Variants in CSMD1 observed in about 807,000 individuals in gnomAD.
CSMD1 encodes the protein CUB and sushi domain-containing protein 1.
CSMD1 carries 213 observed loss-of-function variants against 417.5 expected under a neutral mutation model. That is an observed-to-expected ratio of 0.51 (90% CI 0.46 to 0.57). CSMD1 has a LOEUF of 0.57. CSMD1 is among the 20% of genes least tolerant of loss of function. The probability of loss-of-function intolerance (pLI) is 0.00; values close to 1 mark genes in which losing one functional copy is unlikely to be tolerated. For synonymous variants in CSMD1, 2,862 were observed against 1,736.8 expected (o/e 1.65, Z -16.11); for missense variants, 6,923 against 4,529.7 (o/e 1.53, Z -15.17).
intron 5 of CSMD1, among the ~76,000 whole-genome samples, chr8:3,883,148 C>G (rs1475382066): frequency 6.6e-6 from 1 of 152,124 alleles, no homozygotes; most frequent in East Asian, 1.9e-4. Flanking sequence ...ATCATACTTG[C>G]AAGCTCAGGC....
At chr8:3,779,747 A>ATT (rs1799078060) in intron 5 of CSMD1, among the ~76,000 whole-genome samples, 1 of 152,230 alleles carries the variant, frequency 6.6e-6, no homozygotes, top group Admixed American at 6.5e-5. Flanking sequence ...TATTTAAGTT[A>ATT]TTTGAAAGAG....
intron 5 of CSMD1, among the ~76,000 whole-genome samples, chr8:3,785,633 G>T (rs894165845): frequency 6.6e-6 from 1 of 152,172 alleles, no homozygotes; most frequent in Admixed American, 6.5e-5. Context: ...AGTTACCATC[G>T]AGTGTTTATT....
At chr8:3,781,339 T>C (rs1374332224) in intron 5 of CSMD1, among the ~76,000 whole-genome samples, 3 of 152,148 alleles carry the variant, frequency 2.0e-5, no homozygotes, top group Non-Finnish European at 4.4e-5. Flanking sequence ...TCTTTACTCA[T>C]TGAACACGGA....
chr8:3,640,791 C>T (rs781375984), intron 7 of CSMD1, among the ~76,000 whole-genome samples: 9 of 151,986 alleles, frequency 5.9e-5, no homozygotes, highest in South Asian at 2.1e-4. Context: ...GGGGAAGAGA[C>T]GGCCTCACAG....
intron 12 of CSMD1, among the ~76,000 whole-genome samples, chr8:3,426,765 G>C (rs573866163): frequency 1.1e-4 from 16 of 152,216 alleles, no homozygotes; most frequent in African/African-American, 3.6e-4. Context: ...ACTAATTGGT[G>C]CTAAGTTATA....
chr8:4,835,210 C>T (rs1246830344), intron 1 of CSMD1, among the ~76,000 whole-genome samples: 1 of 151,820 alleles, frequency 6.6e-6, no homozygotes, highest in Non-Finnish European at 1.5e-5. Flanking sequence ...TATTTATTAG[C>T]GTCAGAGAGG....
intron 40 of CSMD1, among the ~76,000 whole-genome samples, chr8:3,147,310 A>C (rs2129033913): frequency 6.6e-6 from 1 of 152,292 alleles, no homozygotes; most frequent in Non-Finnish European, 1.5e-5. Context: ...ACTTCCCAAA[A>C]TCTCATGATT....
chr8:3,763,391 A>C (rs529133506), intron 5 of CSMD1, among the ~76,000 whole-genome samples: 2 of 152,080 alleles, frequency 1.3e-5, no homozygotes, highest in Non-Finnish European at 2.9e-5. Flanking sequence ...TCCCCATGGT[A>C]ATGAGTAAGT....
At chr8:4,628,084 C>G (rs1378839497) in intron 2 of CSMD1, among the ~76,000 whole-genome samples, 1 of 150,290 alleles carries the variant, frequency 6.7e-6, no homozygotes, top group African/African-American at 2.4e-5. Context: ...CATATACATA[C>G]ACATATATTA....
intron 25 of CSMD1, among the ~76,000 whole-genome samples, chr8:3,296,268 C>T (rs559929418): frequency 2.1e-4 from 32 of 150,986 alleles, no homozygotes; most frequent in South Asian, 8.4e-4. Flanking sequence ...TCCTGTGAGA[C>T]GTAAGAATTC....
chr8:4,727,358 C>T (rs1436936415), intron 1 of CSMD1, among the ~76,000 whole-genome samples: 1 of 152,110 alleles, frequency 6.6e-6, no homozygotes. Context: ...AAAATGTTCA[C>T]AAAAACACTA....
chr8:3,691,296 G>A (rs1800227195), intron 7 of CSMD1, among the ~76,000 whole-genome samples: 1 of 152,078 alleles, frequency 6.6e-6, no homozygotes, highest in Non-Finnish European at 1.5e-5. Context: ...GACCCTGGGA[G>A]GCGGAGGTTG....
chr8:3,475,783 A>G (rs1167090194), intron 11 of CSMD1, among the ~76,000 whole-genome samples: 2 of 152,226 alleles, frequency 1.3e-5, no homozygotes, highest in African/African-American at 4.8e-5. Context: ...GAAGGAAATG[A>G]TATGTGATTA....
At chr8:3,409,851 A>T (rs537937854) in intron 12 of CSMD1, among the ~76,000 whole-genome samples, 1 of 152,388 alleles carries the variant, frequency 6.6e-6, no homozygotes, top group African/African-American at 2.4e-5. Flanking sequence ...GGCTACACAG[A>T]TACGCTGACA....
At chr8:3,438,499 G>T (rs1814721949) in intron 12 of CSMD1, among the ~76,000 whole-genome samples, 1 of 152,172 alleles carries the variant, frequency 6.6e-6, no homozygotes. Flanking sequence ...TTGTAGAAAT[G>T]CATGTGACCT....
rs59255397 is a variant in CSMD1 at position 4,354,865 on chromosome 8, AGTGTGTGT to A, written c.415+65080_415+65087del. On this transcript the variant is annotated intron_variant, in intron 3 of 69. Coordinates refer to ENST00000635120, the MANE Select transcript of CSMD1 (RefSeq NM_033225.6). ...GAGGGCAGGTAAATGAGGAAAATGT[AGTGTGTGT>A]GTGTGTGTGTGTGTGTGTGTGTGTG... Among the ~76,000 whole-genome samples, 600 of 129,486 alleles carry A rather than the reference AGTGTGTGT, an allele frequency of 4.6e-3. 3 individuals are homozygous for A. The highest frequency in any genetic ancestry group is 9.2e-3 in the African/African-American group (330 of 35,696). 84.9% of individuals were successfully genotyped at this position (129,486 alleles called of 152,430 possible).
intron 3 of CSMD1, among the ~76,000 whole-genome samples, chr8:4,300,696 C>G (rs1797937542): frequency 6.6e-6 from 1 of 152,272 alleles, no homozygotes; most frequent in African/African-American, 2.4e-5. Flanking sequence ...CTCCCAACCC[C>G]ACAACAGTCC....
chr8:3,996,150 G>A (rs570817163), intron 5 of CSMD1, among the ~76,000 whole-genome samples: 2 of 151,838 alleles, frequency 1.3e-5, no homozygotes, highest in Non-Finnish European at 1.5e-5. Context: ...ACTGATCATA[G>A]GTTCTAGAAT....
At chr8:4,186,690 C>G (rs922261958) in intron 3 of CSMD1, among the ~76,000 whole-genome samples, 3 of 151,970 alleles carry the variant, frequency 2.0e-5, no homozygotes, top group Non-Finnish European at 4.4e-5. Flanking sequence ...TCTATTAAGA[C>G]TAAATATTTT....
Sources: gnomAD v4.1 joint callset for allele counts (sites outside exome capture counted in the v4.1 genomes callset) on GRCh38, gnomAD v4.1.1 for gene constraint, MANE v1.5 for transcripts, NCBI Gene and HGNC (gene_info 2026-07-23, HGNC 2026-07-21) for gene names.